MTMR10: variants seen among roughly 807,000 people sequenced by gnomAD.
MTMR10 encodes the protein myotubularin related protein 10.
A neutral mutation model predicts 88.1 loss-of-function variants in MTMR10; 56 were observed. The ratio of observed to expected loss-of-function variants is 0.64; its 90% CI spans 0.51 to 0.79. The LOEUF (loss-of-function observed/expected upper bound fraction) is 0.79. Ranked by LOEUF, MTMR10 falls within the 30% of genes least tolerant of loss-of-function variation. The pLI, the probability that MTMR10 is intolerant of heterozygous loss-of-function variation, is 0.00. For missense variants in MTMR10, 883 were observed against 924.7 expected (o/e 0.95, Z 0.58); for synonymous variants, 380 against 340.9 (o/e 1.11, Z -1.26).
rs957453518 is a variant in MTMR10 at position 30,942,914 on chromosome 15, G to T, written c.1707C>A (p.Ser569=). 4.5e-6 allele frequency: 7 copies of T among 1,567,326 alleles called. No homozygotes were observed. The Admixed American group carries it at 9.4e-5, about 21-fold the overall frequency. The change falls in exon 15 of 16, where the codon TCC becomes TCA. Residue 569 remains serine (S), a synonymous_variant. Coordinates refer to ENST00000435680, the MANE Select transcript of MTMR10 (RefSeq NM_017762.3). The part of the protein sequence containing the change: ...GKSTPCIQNG[S]VKSFKRTKKS... ...CCTTTGTCCGTTTAAAAGACTTCAC[G>T]GAGCCATTCTGTATACAAGGTGTGC...
At chr15:30,966,163 A>G (rs1566958769) in intron 6 of MTMR10, 1 of 352,780 alleles carries the variant, frequency 2.8e-6, no homozygotes, top group Non-Finnish European at 5.7e-6. Flanking sequence ...TAATATAAAA[A>G]AGCATCCCTG....
chr15:30,951,832 T>C, intron 12 of MTMR10, 136 bp downstream of exon 12: 1 of 733,514 alleles, frequency 1.4e-6, no homozygotes, highest in Non-Finnish European at 2.3e-6. Context: ...ATGTGCAAAA[T>C]CTGTAATGTA....
At chr15:30,953,490 T>C (rs536472473) in intron 11 of MTMR10, 72 bp downstream of exon 11, 7 of 1,181,094 alleles carry the variant, frequency 5.9e-6, no homozygotes, top group African/African-American at 3.1e-5. Context: ...TGTGCTATTT[T>C]TGTACCTCCA....
intron 6 of MTMR10, 48 bp from the exon 7 acceptor site, chr15:30,961,121 A>G: frequency 6.6e-7 from 1 of 1,506,284 alleles, no homozygotes; most frequent in South Asian, 1.3e-5. Context: ...CATTTTCCCC[A>G]GCATTCCCTC....
chr15:30,990,248 T>C (rs2031228136), intron 2 of MTMR10, among the ~76,000 whole-genome samples: 1 of 152,154 alleles, frequency 6.6e-6, no homozygotes, highest in Admixed American at 6.5e-5. Flanking sequence ...GAGGCCATCT[T>C]TGTTGCTATA....
At chr15:30,986,480 C>A (rs145862083) in intron 2 of MTMR10, among the ~76,000 whole-genome samples, 2 of 151,714 alleles carry the variant, frequency 1.3e-5, no homozygotes, top group East Asian at 1.9e-4. Context: ...TTTAAAGGAC[C>A]AATAAAGAGT....
chr15:30,990,646 A>C, intron 2 of MTMR10, 131 bp downstream of exon 2: 1 of 742,108 alleles, frequency 1.3e-6, no homozygotes, highest in Non-Finnish European at 2.2e-6. Flanking sequence ...TTCTCCTCTC[A>C]GTCACTAGAC....
At chr15:30,938,230 G>C (rs901576508), downstream of MTMR10, among the ~76,000 whole-genome samples, 5 of 151,982 alleles carry the variant, frequency 3.3e-5, no homozygotes, top group African/African-American at 1.2e-4. Context: ...TTTCCTTCAA[G>C]TAATTAATTA....
At chr15:30,924,671 C>G in the MTMR10 span, among the ~76,000 whole-genome samples, 1 of 152,196 alleles carries the variant, frequency 6.6e-6, no homozygotes, top group Non-Finnish European at 1.5e-5. Flanking sequence ...TGGTTCTTGA[C>G]TGCATATGAG....
intron 14 of MTMR10, among the ~76,000 whole-genome samples, chr15:30,944,233 A>G (rs533038660): frequency 6.6e-6 from 1 of 152,292 alleles, no homozygotes; most frequent in Admixed American, 6.5e-5. Flanking sequence ...TCTATTTCAA[A>G]TAAGTAAAAA....
At chr15:30,984,499 A>C (rs570562560) in intron 2 of MTMR10, among the ~76,000 whole-genome samples, 37 of 152,348 alleles carry the variant, frequency 2.4e-4, no homozygotes, top group African/African-American at 8.4e-4. Flanking sequence ...GAATTACATA[A>C]AACACTTGAA....
chr15:30,927,443 GA>G, the MTMR10 span: 1 of 985,536 alleles, frequency 1.0e-6, no homozygotes, highest in African/African-American at 1.7e-5. Flanking sequence ...CTGCAGGGAT[GA>G]GGGGCTAGAA....
intron 2 of MTMR10, among the ~76,000 whole-genome samples, chr15:30,978,577 C>G (rs2030329345): frequency 6.6e-6 from 1 of 152,224 alleles, no homozygotes; most frequent in South Asian, 2.1e-4. Context: ...TGCTTGCCTA[C>G]ATATGCATTA....
intron 3 of MTMR10, among the ~76,000 whole-genome samples, chr15:30,976,099 A>C (rs1212534147): frequency 7.0e-6 from 1 of 142,378 alleles, no homozygotes; most frequent in African/African-American, 2.7e-5. Context: ...AATAACACTA[A>C]TTAGTTTAAA....
intron 12 of MTMR10, among the ~76,000 whole-genome samples, chr15:30,951,455 A>G (rs1030126780): frequency 4.6e-5 from 7 of 152,234 alleles, no homozygotes; most frequent in African/African-American, 1.4e-4. Context: ...ATAAAGGGTA[A>G]AAACTGGACT....
At chr15:30,953,070 A>G (rs1423176018) in intron 11 of MTMR10, among the ~76,000 whole-genome samples, 1 of 152,170 alleles carries the variant, frequency 6.6e-6, no homozygotes, top group African/African-American at 2.4e-5. Context: ...GATTACAGGC[A>G]TGAGCCACCA....
the MTMR10 span, chr15:30,925,811 G>T: frequency 6.2e-7 from 1 of 1,614,166 alleles, no homozygotes; most frequent in Non-Finnish European, 8.5e-7. Context: ...GGCAGGCTGT[G>T]CCCACAGCGT....
Position 30,948,442 on chromosome 15 carries a change from CA to C in MTMR10, c.1236del (p.Cys412TrpfsTer2). On this transcript the variant is annotated frameshift_variant, in exon 13 of 16. Transcript: ENST00000435680. LOFTEE classifies it high-confidence loss of function. The stretch of plus-strand genomic sequence containing the variant: ...AGCATCACTTGAACAAGAGAAGCTA[CA>C]CAACAGCTCAAGTCTCTTCCTTCCT... ...QEEEGRDLSC[C>X]VASLVQVMLD... is the part of the protein sequence containing the mutation. 6.2e-7 allele frequency: 1 copy of C among 1,610,578 alleles called. No individual in the cohort carries two copies. The highest frequency in any genetic ancestry group is 8.5e-7 in the Non-Finnish European group (1 of 1,178,180).
chr15:30,962,054 G>T (rs1211768891), intron 6 of MTMR10, among the ~76,000 whole-genome samples: 2 of 152,154 alleles, frequency 1.3e-5, no homozygotes, highest in Non-Finnish European at 2.9e-5. Context: ...TTGGTTTCCT[G>T]TATCTACTCG....
Sources: gnomAD v4.1 joint callset for allele counts (sites outside exome capture counted in the v4.1 genomes callset) on GRCh38, gnomAD v4.1.1 for gene constraint, MANE v1.5 for transcripts, NCBI Gene and HGNC (gene_info 2026-07-23, HGNC 2026-07-21) for gene names.